PDK3: variants seen among roughly 807,000 people sequenced by gnomAD.
PDK3 encodes pyruvate dehydrogenase kinase 3, also known as pyruvate dehydrogenase kinase, isozyme 3.
A neutral mutation model predicts 32.0 loss-of-function variants in PDK3; 12 were observed. That is an observed-to-expected ratio of 0.37 (90% CI 0.24 to 0.61). The LOEUF is 0.61. PDK3 is among the 20% of genes least tolerant of loss of function. The pLI is 0.65. For synonymous variants in PDK3, 122 were observed against 116.3 expected, an observed-to-expected ratio of 1.05 and a Z score of -0.31; for missense variants, 188 against 316.9, an observed-to-expected ratio of 0.59 and a Z score of 3.09.
At chrX:24,467,447 A>G (rs1440547379) in intron 1 of PDK3, among the ~76,000 whole-genome samples, 4 of 112,380 alleles carry the variant, frequency 3.6e-5, no homozygotes, top group African/African-American at 1.3e-4. Flanking sequence ...GGGATTCACT[A>G]AGGTCATGAG....
At position 24,531,748 on chromosome X, in the gene PDK3, C is replaced by G. The variant is rs1405510156; in HGVS notation, c.1055C>G (p.Thr352Ser). 8.8e-7 allele frequency: 1 copy of G among 1,137,446 alleles called. No homozygotes were observed. The allele number at this position is 1,137,446 out of a possible 1,213,427, so 93.7% of individuals were successfully genotyped here. Residue 352 changes from threonine (T) to serine (S), a missense_variant, in exon 10 of 11, where the codon ACT (threonine) becomes AGT (serine). By Grantham distance (58) the Thr-to-Ser change is moderately conservative. Transcript: ENST00000379162. ...LKLYSMEGVG[T>S]DAVIYLKALS... The stretch of plus-strand genomic sequence containing the variant: ...CTGTATTCCATGGAAGGAGTGGGTA[C>G]TGATGCTGTCATTTATTTGAAGGTA...
At chrX:24,540,523 G>A (rs1230952292) in exon 12 of PDK3, among the ~76,000 whole-genome samples, 4 of 111,921 alleles carry the variant, frequency 3.6e-5, no homozygotes, top group Non-Finnish European at 7.5e-5. Context: ...CCTGAGATGA[G>A]GTGTGCTTTG....
chrX:24,521,084 G>C (rs1280174651), intron 6 of PDK3, among the ~76,000 whole-genome samples: 2 of 110,057 alleles, frequency 1.8e-5, no homozygotes, highest in Non-Finnish European at 3.8e-5. Context: ...TTCGAGACCA[G>C]CCTGGGCAAG....
At chrX:24,504,321 A>G (rs750101898) in intron 4 of PDK3, among the ~76,000 whole-genome samples, 6 of 112,578 alleles carry the variant, frequency 5.3e-5, no homozygotes, top group Middle Eastern at 4.6e-3. Context: ...CAGGAATAAA[A>G]GAGCCTAAAT....
At chrX:24,505,726 A>G (rs748689276) in intron 5 of PDK3, among the ~76,000 whole-genome samples, 1 of 112,090 alleles carries the variant, frequency 8.9e-6, no homozygotes, top group Non-Finnish European at 1.9e-5. Context: ...TGTAAGCTTC[A>G]TGGGTTCATT....
chrX:24,476,149 C>G (rs1395478866), intron 1 of PDK3, among the ~76,000 whole-genome samples: 1 of 110,346 alleles, frequency 9.1e-6, no homozygotes, highest in Admixed American at 9.6e-5. Context: ...CTAAGAATGT[C>G]AACCTATAGC....
At chrX:24,474,925 C>T (rs1463711595) in intron 1 of PDK3, among the ~76,000 whole-genome samples, 3 of 111,744 alleles carry the variant, frequency 2.7e-5, no homozygotes, top group Non-Finnish European at 3.8e-5. Flanking sequence ...GTTTAAGGGC[C>T]CAGCCATCTT....
chrX:24,492,086 T>C (rs1168572161), intron 1 of PDK3, among the ~76,000 whole-genome samples: 1 of 112,485 alleles, frequency 8.9e-6, no homozygotes, highest in Non-Finnish European at 1.9e-5. Flanking sequence ...TTTCCTGGCA[T>C]GTGAAAAGCT....
intron 8 of PDK3, among the ~76,000 whole-genome samples, 190 bp from the exon 9 acceptor site, chrX:24,527,886 G>T (rs1922561726): frequency 8.9e-6 from 1 of 111,863 alleles, no homozygotes; most frequent in Non-Finnish European, 1.9e-5. Context: ...CAAGCCTGTT[G>T]GATCCCACTG....
At chrX:24,541,395 C>T (rs1382276998) in exon 12 of PDK3, among the ~76,000 whole-genome samples, 1 of 111,265 alleles carries the variant, frequency 9.0e-6, no homozygotes, top group East Asian at 2.8e-4. Context: ...ATCACCACAT[C>T]CTCACAAGCA....
At chrX:24,526,643 A>C (rs1408402767) in intron 7 of PDK3, among the ~76,000 whole-genome samples, 2 of 112,295 alleles carry the variant, frequency 1.8e-5, no homozygotes, top group African/African-American at 6.5e-5. Flanking sequence ...ATACATATTT[A>C]TGCTTCTGAA....
intron 5 of PDK3, among the ~76,000 whole-genome samples, chrX:24,507,616 C>A (rs1922016618): frequency 8.9e-6 from 1 of 112,213 alleles, no homozygotes; most frequent in African/African-American, 3.2e-5. Context: ...TCAGACATGT[C>A]ATTTGGCTTC....
At chrX:24,545,820 A>C (rs1315308289) in exon 12 of PDK3, 1 of 111,822 alleles carries the variant, frequency 8.9e-6, no homozygotes, top group African/African-American at 3.3e-5. Flanking sequence ...AAGCAGACAG[A>C]AATCCCTGCC....
exon 12 of PDK3, chrX:24,546,933 T>A (rs894487930): frequency 1.6e-4 from 18 of 112,855 alleles, no homozygotes; most frequent in African/African-American, 5.5e-4. Context: ...GCAGCCCCCT[T>A]ATCTTGCCTT....
At chrX:24,549,751 C>T (rs912520746) in exon 12 of PDK3, 1 of 112,109 alleles carries the variant, frequency 8.9e-6, no homozygotes, top group Non-Finnish European at 1.9e-5. Context: ...ATAGTTGCTG[C>T]TTATGGTTTA....
intron 1 of PDK3, among the ~76,000 whole-genome samples, chrX:24,489,718 C>G (rs1921504434): frequency 1.9e-5 from 2 of 104,788 alleles, no homozygotes; most frequent in Admixed American, 2.1e-4. Context: ...AAAAAGAAAT[C>G]AACAACAAAC....
At position 24,465,434 on chromosome X, in the gene PDK3, T is replaced by G. The variant is rs72623011; in HGVS notation, c.-22T>G. 8.7e-7 allele frequency: 1 copy of G among 1,146,358 alleles called. No individual in the cohort carries two copies. The highest frequency in any genetic ancestry group is 3.1e-5 in the East Asian group (1 of 32,114). The allele number at this position is 1,146,358 out of a possible 1,213,427, so 94.5% of individuals were successfully genotyped here. Reference sequence around the variant, plus strand: ...GCGGCCACCCGGGCGTCTAGGCGGGTCTGTGCGCCGCCCGGGCGAGGATGC... The same window carrying G: ...GCGGCCACCCGGGCGTCTAGGCGGGGCTGTGCGCCGCCCGGGCGAGGATGC... On this transcript the variant is annotated 5_prime_UTR_variant, in exon 1 of 11. Coordinates refer to ENST00000379162, the MANE Select transcript of PDK3 (RefSeq NM_005391.5).
chrX:24,533,685 A>G lies in PDK3; in HGVS notation c.1078-244A>G, dbSNP rs41309567. On this transcript the variant is annotated intron_variant, in intron 10 of 10. Transcript: ENST00000379162. ...AAAGCAGTATGAGCTGAATTAAAAT[A>G]TGTTTTGTTCTGGTCATGTGTATTT... Among the ~76,000 whole-genome samples, 440 of 111,910 alleles carry G rather than the reference A, an allele frequency of 3.9e-3. 2 individuals are homozygous for G. Among genetic ancestry groups the G allele is most frequent in the Non-Finnish European group, 6.4e-3 (339 of 53,225 alleles).
At chrX:24,490,908 T>C (rs1303424860) in intron 1 of PDK3, among the ~76,000 whole-genome samples, 1 of 111,168 alleles carries the variant, frequency 9.0e-6, no homozygotes, top group Non-Finnish European at 1.9e-5. Context: ...CAAAAACTCA[T>C]AATTGTGAAA....
Sources: allele counts gnomAD v4.1 joint callset (sites outside exome capture counted in the v4.1 genomes callset), GRCh38; gene constraint gnomAD v4.1.1; transcripts MANE v1.5; gene names NCBI Gene and HGNC (gene_info 2026-07-23, HGNC 2026-07-21).